Variants in CSMD1 observed in about 807,000 individuals in gnomAD.
The protein encoded by CSMD1 is CUB and Sushi multiple domains 1, also known as CUB and sushi domain-containing protein 1.
In CSMD1, 213 loss-of-function variants were observed where a neutral mutation model predicts 417.5. The observed-to-expected ratio is 0.51, with a 90% confidence interval of 0.46 to 0.57. CSMD1 has a LOEUF of 0.57. Among genes scored for constraint, CSMD1 ranks in the 20% least tolerant of loss-of-function variants. CSMD1 has a pLI of 0.00. For missense variants in CSMD1, 6,923 were observed against 4,529.7 expected (o/e 1.53, Z -15.17); for synonymous variants, 2,862 against 1,736.8 (o/e 1.65, Z -16.11).
chr8:3,902,374 T>A (rs894254000), intron 5 of CSMD1, among the ~76,000 whole-genome samples: 1 of 152,162 alleles, frequency 6.6e-6, no homozygotes, highest in South Asian at 2.1e-4. Context: ...AAACATGTGA[T>A]CTGAGGCAAA....
At chr8:3,992,124 A>ATG (rs35587992) in intron 5 of CSMD1, among the ~76,000 whole-genome samples, 34,922 of 150,316 alleles carry the variant, frequency 0.23, 4,697 homozygotes, top group Non-Finnish European at 0.3. Flanking sequence ...GTGTATATAT[A>ATG]TGTGTGTGTG....
chr8:4,711,691 G>T lies in CSMD1; in HGVS notation c.86-74133C>A, dbSNP rs1053884855. 2.0e-5 allele frequency among the ~76,000 whole-genome samples: 3 copies of T among 151,832 alleles called. No homozygotes were observed. The East Asian group carries it at 5.8e-4, about 29-fold the overall frequency. The stretch of plus-strand genomic sequence containing the variant: ...AAATTTAAAAAAAAAATCCATTAAA[G>T]TCTTTGAGTCTAAAAACAATTTCAA... On this transcript the variant is annotated intron_variant, in intron 1 of 69. Transcript: ENST00000635120.
intron 26 of CSMD1, among the ~76,000 whole-genome samples, chr8:3,241,044 A>G (rs1412145433): frequency 1.5e-4 from 22 of 148,898 alleles, no homozygotes; most frequent in Middle Eastern, 7.0e-3. Context: ...GAGTAGAGGT[A>G]TCTCATACTT....
intron 5 of CSMD1, among the ~76,000 whole-genome samples, chr8:3,836,303 A>G (rs1802697524): frequency 1.3e-5 from 2 of 152,150 alleles, no homozygotes; most frequent in African/African-American, 4.8e-5. Context: ...TAACAAGTCA[A>G]AGCAGTTTGC....
At chr8:4,551,590 C>A (rs1170287418) in intron 2 of CSMD1, among the ~76,000 whole-genome samples, 1 of 152,172 alleles carries the variant, frequency 6.6e-6, no homozygotes, top group Non-Finnish European at 1.5e-5. Context: ...TCACCCCACA[C>A]TCAAGATGCT....
intron 49 of CSMD1, among the ~76,000 whole-genome samples, chr8:3,085,834 C>T (rs1814491265): frequency 6.6e-6 from 1 of 152,174 alleles, no homozygotes; most frequent in South Asian, 2.1e-4. Flanking sequence ...TAGCATGTGC[C>T]TGGCATCACC....
At position 4,208,547 on chromosome 8, in the gene CSMD1, A is replaced by G. The variant is rs563929312; in HGVS notation, c.416-176448T>C. On this transcript the variant is annotated intron_variant, in intron 3 of 69. Transcript: ENST00000635120. ...GAACAGATTATATTTTTAAACTTCA[A>G]TATCAGATTGACTTGACTCATTCTA... is the stretch of plus-strand genomic sequence containing the variant. 1.7e-4 allele frequency among the ~76,000 whole-genome samples: 26 copies of G among 152,352 alleles called. No homozygotes were observed. The South Asian group carries it at 3.5e-3, about 21-fold the overall frequency.
chr8:4,180,046 A>C (rs1798267132), intron 3 of CSMD1, among the ~76,000 whole-genome samples: 1 of 152,112 alleles, frequency 6.6e-6, no homozygotes, highest in African/African-American at 2.4e-5. Context: ...TAGAACTGGA[A>C]ATACCATTTG....
At chr8:3,602,899 C>G (rs1032339294) in intron 8 of CSMD1, among the ~76,000 whole-genome samples, 3 of 152,042 alleles carry the variant, frequency 2.0e-5, no homozygotes, top group Admixed American at 6.6e-5. Flanking sequence ...AATATAGGCT[C>G]AAGTAACAAT....
chr8:4,887,718 CAT>C (rs1326224884), intron 1 of CSMD1, among the ~76,000 whole-genome samples: 1 of 151,766 alleles, frequency 6.6e-6, no homozygotes, highest in Non-Finnish European at 1.5e-5. Context: ...TTGGTAGGTG[CAT>C]ATATATTTAC....
intron 3 of CSMD1, among the ~76,000 whole-genome samples, chr8:4,042,282 C>A (rs919274091): frequency 6.6e-6 from 1 of 151,968 alleles, no homozygotes; most frequent in African/African-American, 2.4e-5. Flanking sequence ...TTAAAGCATC[C>A]CTACTAGTGG....
chr8:4,895,101 T>C (rs1046745402), intron 1 of CSMD1, among the ~76,000 whole-genome samples: 6 of 152,200 alleles, frequency 3.9e-5, no homozygotes, highest in Non-Finnish European at 5.9e-5. Context: ...TCTCAGGAAC[T>C]GGTTATTAAA....
chr8:3,851,764 G>C (rs73491912), intron 5 of CSMD1, among the ~76,000 whole-genome samples: 79 of 152,308 alleles, frequency 5.2e-4, no homozygotes, highest in African/African-American at 1.9e-3. Context: ...AAGAGGGAAT[G>C]TATAAGGAAG....
intron 23 of CSMD1, among the ~76,000 whole-genome samples, chr8:3,308,732 G>GTTTTTTTTTTTTTTTTTTT (rs5888961): frequency 9.2e-6 from 1 of 108,930 alleles, no homozygotes; most frequent in African/African-American, 3.6e-5. Context: ...CTACTTACAA[G>GTTTTTTTTTTTTTTTTTTT]TTTTTTTTTT....
chr8:4,741,603 G>A (rs1166876778), intron 1 of CSMD1, among the ~76,000 whole-genome samples: 1 of 152,160 alleles, frequency 6.6e-6, no homozygotes, highest in Admixed American at 6.5e-5. Flanking sequence ...TTGGACAACA[G>A]GACCTTTGAG....
intron 26 of CSMD1, among the ~76,000 whole-genome samples, chr8:3,256,320 A>AAAAG (rs1011822120): frequency 8.2e-6 from 1 of 122,482 alleles, no homozygotes; most frequent in African/African-American, 2.9e-5. Context: ...AAAAAAAAAA[A>AAAAG]AAAAAGAGAA....
intron 1 of CSMD1, among the ~76,000 whole-genome samples, chr8:4,929,615 C>T (rs4076110): frequency 0.035 from 5,279 of 152,248 alleles, 254 homozygotes; most frequent in African/African-American, 0.1. Context: ...ATGATTTCAT[C>T]ATTTGTCACC....
At chr8:3,617,663 T>C (rs1367093346) in intron 7 of CSMD1, among the ~76,000 whole-genome samples, 2 of 152,152 alleles carry the variant, frequency 1.3e-5, no homozygotes, top group Non-Finnish European at 2.9e-5. Context: ...TTTCCTATAA[T>C]CCAAGGATGG....
intron 5 of CSMD1, among the ~76,000 whole-genome samples, chr8:3,984,447 C>T (rs1404435111): frequency 2.0e-5 from 3 of 151,884 alleles, no homozygotes; most frequent in Non-Finnish European, 4.4e-5. Flanking sequence ...CAGAGAGGCA[C>T]ATTGATATAT....
Sources: allele counts gnomAD v4.1 joint callset (sites outside exome capture counted in the v4.1 genomes callset), GRCh38; gene constraint gnomAD v4.1.1; transcripts MANE v1.5; gene names NCBI Gene and HGNC (gene_info 2026-07-23, HGNC 2026-07-21).